Variants in SLC35F3 observed in about 807,000 individuals in gnomAD.
The protein encoded by SLC35F3 is putative thiamine transporter SLC35F3.
In SLC35F3, 25 loss-of-function variants were observed where a neutral mutation model predicts 49.9. That is an observed-to-expected ratio of 0.50 (90% CI 0.37 to 0.70). The LOEUF (loss-of-function observed/expected upper bound fraction) is 0.70, where lower values mean the gene tolerates loss of function less well. Among genes scored for constraint, SLC35F3 ranks in the 30% least tolerant of loss-of-function variants. The probability of loss-of-function intolerance (pLI) is 0.00; values close to 1 mark genes in which losing one functional copy is unlikely to be tolerated. For synonymous variants in SLC35F3, 275 were observed against 265.4 expected (o/e 1.04, Z -0.35); for missense variants, 525 against 639.8 (o/e 0.82, Z 1.94).
Position 233,918,883 on chromosome 1 carries a change from G to A in SLC35F3, c.283+13125G>A, listed in dbSNP as rs532861515. 3.4e-4 allele frequency among the ~76,000 whole-genome samples: 51 copies of A among 151,820 alleles called. 1 individual carries two copies. The highest frequency in any genetic ancestry group is 1.2e-3 in the African/African-American group (51 of 41,366). Reference sequence around the variant, plus strand: ...TTATTTCTTGTGCTTAATAGTACTAGTGTGGTTATAAAAGGTCCTTTTTCT... The same window carrying A: ...TTATTTCTTGTGCTTAATAGTACTAATGTGGTTATAAAAGGTCCTTTTTCT... On this transcript the variant is annotated intron_variant, in intron 2 of 7. Transcript: ENST00000366618.
intron 2 of SLC35F3, among the ~76,000 whole-genome samples, chr1:234,193,748 G>T (rs1241179991): frequency 6.6e-6 from 1 of 152,030 alleles, no homozygotes; most frequent in African/African-American, 2.4e-5. Flanking sequence ...AAATTAGCAA[G>T]AAAGAAACAA....
chr1:234,242,533 TAAAAA>T (rs539028227), intron 3 of SLC35F3, among the ~76,000 whole-genome samples: 1 of 152,218 alleles, frequency 6.6e-6, no homozygotes, highest in Non-Finnish European at 1.5e-5. Flanking sequence ...CTGAGTTCGT[TAAAAA>T]AGACAAAAAA....
intron 2 of SLC35F3, among the ~76,000 whole-genome samples, chr1:234,089,833 G>C (rs966025014): frequency 6.6e-6 from 1 of 151,800 alleles, no homozygotes; most frequent in Non-Finnish European, 1.5e-5. Flanking sequence ...AAGTGGCATA[G>C]AGTATGGAAA....
In SLC35F3 at chr1:234,320,758, CT is replaced by C. The variant is rs1004856972; in HGVS notation, c.1237+572del. Among the ~76,000 whole-genome samples, 2 of 152,170 alleles carry C rather than the reference CT, an allele frequency of 1.3e-5. No homozygotes were observed. The highest frequency in any genetic ancestry group is 4.8e-5 in the African/African-American group (2 of 41,442). On this transcript the variant is annotated intron_variant, in intron 7 of 7. Coordinates refer to ENST00000366618, the MANE Select transcript of SLC35F3 (RefSeq NM_173508.4). The surrounding 1 kb of genome is among the most constrained non-coding windows in gnomAD (Gnocchi z 4.8). Reference sequence around the variant, plus strand: ...ACTCGGGACTGCCCTTTGTTTTCCCCTGGGGACTCGTTGCCAAGGCACACAG... The same window carrying C: ...ACTCGGGACTGCCCTTTGTTTTCCCCGGGGACTCGTTGCCAAGGCACACAG...
At chr1:234,057,270 G>C (rs1047129030) in intron 2 of SLC35F3, among the ~76,000 whole-genome samples, 12 of 152,044 alleles carry the variant, frequency 7.9e-5, no homozygotes, top group Non-Finnish European at 8.8e-5. Context: ...ATTTAACAGT[G>C]TTAAATTTTC....
chr1:234,060,506 G>T (rs1030536891), intron 2 of SLC35F3, among the ~76,000 whole-genome samples: 5 of 152,112 alleles, frequency 3.3e-5, no homozygotes, highest in South Asian at 2.1e-4. Context: ...AAGTGCAGTA[G>T]CACAATCTCA....
At chr1:233,950,581 G>A (rs1213795857) in intron 2 of SLC35F3, among the ~76,000 whole-genome samples, 4 of 124,242 alleles carry the variant, frequency 3.2e-5, no homozygotes, top group African/African-American at 6.3e-5. Context: ...TCTTTCCTTC[G>A]TACCTCCTTC....
chr1:234,297,193 A>G (rs1297350878), intron 3 of SLC35F3, among the ~76,000 whole-genome samples: 1 of 152,210 alleles, frequency 6.6e-6, no homozygotes, highest in Non-Finnish European at 1.5e-5. Flanking sequence ...ACCCTTGTAC[A>G]CCGTTGTAGA....
intron 2 of SLC35F3, among the ~76,000 whole-genome samples, chr1:234,084,782 A>G (rs1206568726): frequency 6.6e-6 from 1 of 151,680 alleles, no homozygotes; most frequent in African/African-American, 2.4e-5. Context: ...ATACTACCCA[A>G]CCAGGATCTG....
At chr1:234,276,723 C>T (rs999311723) in intron 3 of SLC35F3, among the ~76,000 whole-genome samples, 2 of 152,204 alleles carry the variant, frequency 1.3e-5, no homozygotes, top group Non-Finnish European at 2.9e-5. Flanking sequence ...AGGCAGGTCA[C>T]GTTCTATGCC....
At chr1:234,198,300 G>C (rs1666845974) in intron 2 of SLC35F3, among the ~76,000 whole-genome samples, 1 of 152,190 alleles carries the variant, frequency 6.6e-6, no homozygotes, top group Non-Finnish European at 1.5e-5. Flanking sequence ...TGAGAGTGCA[G>C]AACATTGATG....
chr1:233,921,607 T>A (rs1008143976), intron 2 of SLC35F3, among the ~76,000 whole-genome samples: 2 of 152,338 alleles, frequency 1.3e-5, no homozygotes, highest in Non-Finnish European at 2.9e-5. Context: ...AGCATTGCCT[T>A]TTCTGGAATG....
At chr1:234,187,658 A>C (rs1056205029) in intron 2 of SLC35F3, among the ~76,000 whole-genome samples, 2 of 152,204 alleles carry the variant, frequency 1.3e-5, no homozygotes, top group Non-Finnish European at 2.9e-5. Context: ...GGAACCTGAA[A>C]GTCCAGATCA....
intron 2 of SLC35F3, among the ~76,000 whole-genome samples, chr1:234,143,171 G>C (rs192781815): frequency 1.3e-5 from 2 of 151,612 alleles, no homozygotes; most frequent in African/African-American, 2.4e-5. Context: ...CTGCAACTCT[G>C]TACCCTTTAA....
intron 2 of SLC35F3, among the ~76,000 whole-genome samples, chr1:233,921,552 TC>T (rs1662059555): frequency 6.6e-6 from 1 of 152,162 alleles, no homozygotes; most frequent in African/African-American, 2.4e-5. Context: ...TATTCATCCC[TC>T]CCTCCCCTCA....
At chr1:233,934,033 A>G (rs1662287647) in intron 2 of SLC35F3, among the ~76,000 whole-genome samples, 1 of 152,248 alleles carries the variant, frequency 6.6e-6, no homozygotes, top group Non-Finnish European at 1.5e-5. Context: ...TTTAGCGGGA[A>G]GTGCTTTATT....
chr1:233,912,083 C>A (rs1211578555), intron 2 of SLC35F3, among the ~76,000 whole-genome samples: 1 of 152,192 alleles, frequency 6.6e-6, no homozygotes, highest in Non-Finnish European at 1.5e-5. Flanking sequence ...TCTGGCCCTG[C>A]AGCCCTGAGG....
chr1:233,948,171 T>G (rs1662544189), intron 2 of SLC35F3, among the ~76,000 whole-genome samples: 1 of 144,766 alleles, frequency 6.9e-6, no homozygotes. Context: ...CCATACTCCC[T>G]GGAACGGTAA....
chr1:234,021,179 C>T (rs1663889604), intron 2 of SLC35F3, among the ~76,000 whole-genome samples: 1 of 150,836 alleles, frequency 6.6e-6, no homozygotes, highest in African/African-American at 2.5e-5. Flanking sequence ...GCCCCGCCCC[C>T]AGCAGGCTCC....
Sources: gnomAD v4.1 joint callset for allele counts (sites outside exome capture counted in the v4.1 genomes callset) on GRCh38, gnomAD v4.1.1 for gene constraint, Gnocchi (gnomAD v3.1) non-coding constraint, MANE v1.5 for transcripts, NCBI Gene and HGNC (gene_info 2026-07-23, HGNC 2026-07-21) for gene names.